Variants in SLC25A13 observed in about 807,000 individuals in gnomAD.
SLC25A13 encodes solute carrier family 25 member 13, also known as electrogenic aspartate/glutamate antiporter SLC25A13, mitochondrial.
A neutral mutation model predicts 85.5 loss-of-function variants in SLC25A13; 70 were observed. The observed-to-expected ratio is 0.82, with a 90% CI of 0.68 to 1.00. The LOEUF is 1.00. Ranked by LOEUF, SLC25A13 falls within the 50% of genes least tolerant of loss-of-function variation. The probability of loss-of-function intolerance (pLI) is 0.00; values close to 1 mark genes in which losing one functional copy is unlikely to be tolerated. For synonymous variants in SLC25A13, 259 were observed against 288.7 expected (o/e 0.90, Z 1.04); for missense variants, 765 against 819.8 (o/e 0.93, Z 0.82).
At chr7:96,227,634 G>A (rs550492373) in intron 4 of SLC25A13, among the ~76,000 whole-genome samples, 2 of 152,298 alleles carry the variant, frequency 1.3e-5, no homozygotes, top group African/African-American at 4.8e-5. Flanking sequence ...ATTTATGATA[G>A]TAGTACCACT....
intron 2 of SLC25A13, among the ~76,000 whole-genome samples, chr7:96,286,610 C>A (rs1798896524): frequency 6.6e-6 from 1 of 152,158 alleles, no homozygotes; most frequent in Non-Finnish European, 1.5e-5. Flanking sequence ...TAATCCTGTA[C>A]ACTACTTATC....
At chr7:96,260,804 C>T (rs1797826004) in intron 3 of SLC25A13, among the ~76,000 whole-genome samples, 1 of 152,094 alleles carries the variant, frequency 6.6e-6, no homozygotes, top group African/African-American at 2.4e-5. Context: ...GCAGCACAGT[C>T]CTAATTTCCC....
At position 96,197,730 on chromosome 7, in the gene SLC25A13, C is replaced by T. The variant is rs139344537; in HGVS notation, c.469-4547G>A. On this transcript the variant is annotated intron_variant, in intron 5 of 17. Coordinates refer to ENST00000265631, the MANE Select transcript of SLC25A13 (RefSeq NM_014251.3). ...AGCTTTTAGTATGCATGAAATATAG[C>T]ATATACAAAATAGTATTTATTTCTA... is the stretch of plus-strand genomic sequence containing the variant. Among the ~76,000 whole-genome samples the T allele has an allele frequency of 2.6e-4, 40 of 152,168 alleles. No homozygotes were observed. In the East Asian group the frequency reaches 7.3e-3, roughly 28 times the overall value.
chr7:96,250,121 A>T (rs1228642990), intron 3 of SLC25A13, among the ~76,000 whole-genome samples: 4 of 152,150 alleles, frequency 2.6e-5, no homozygotes, highest in Non-Finnish European at 5.9e-5. Flanking sequence ...CAGGAGGCGG[A>T]GGTTGCAGTG....
At chr7:96,164,296 C>A (rs1793646977) in intron 13 of SLC25A13, among the ~76,000 whole-genome samples, 1 of 152,172 alleles carries the variant, frequency 6.6e-6, no homozygotes, top group African/African-American at 2.4e-5. Flanking sequence ...GTTCCCCCAG[C>A]CATGGCTCCA....
At chr7:96,309,371 T>C (rs1799872177) in intron 1 of SLC25A13, among the ~76,000 whole-genome samples, 1 of 152,192 alleles carries the variant, frequency 6.6e-6, no homozygotes, top group Non-Finnish European at 1.5e-5. Context: ...GCACAACCCC[T>C]GCCAAGGTCT....
At chr7:96,173,732 A>G (rs1469030981) in intron 11 of SLC25A13, among the ~76,000 whole-genome samples, 2 of 152,158 alleles carry the variant, frequency 1.3e-5, no homozygotes, top group Non-Finnish European at 2.9e-5. Context: ...GCAGCCCTTC[A>G]CTAAGCAACT....
At chr7:96,189,192 T>G in intron 9 of SLC25A13, 102 bp downstream of exon 9, 1 of 963,092 alleles carries the variant, frequency 1.0e-6, no homozygotes. Context: ...AGAAAAATGG[T>G]TAAGTCAGAT....
chr7:96,189,163 G>T lies in SLC25A13; in HGVS notation c.933+131C>A, dbSNP rs6957286. 1 allele frequency: 772,261 copies of T among 775,662 alleles called. 384,526 individuals carry two copies. Among genetic ancestry groups the T allele is most frequent in the East Asian group, 1 (37,378 of 37,378 alleles). 48.0% of individuals were successfully genotyped at this position (775,662 alleles called of 1,614,324 possible). A position where few individuals can be genotyped will look rare whatever the true frequency, so the allele number is the denominator to read the frequency against. On this transcript the variant is annotated intron_variant, in intron 9 of 17. Transcript: ENST00000265631. ...CTCTTTACAGCCTTTAAAATTTATC[G>T]AGAGTTTTGGTGCAAAACAGAAAAA...
chr7:96,124,214 A>G (rs1791631870), intron 15 of SLC25A13, among the ~76,000 whole-genome samples: 2 of 152,230 alleles, frequency 1.3e-5, no homozygotes. Flanking sequence ...GGCACAAGTC[A>G]TCGTTAATTT....
Position 96,280,781 on chromosome 7 carries a change from A to G in SLC25A13, c.70-3443T>C, listed in dbSNP as rs138038814. Among the ~76,000 whole-genome samples, 425 of 152,254 alleles carry G rather than the reference A, an allele frequency of 2.8e-3. 4 individuals are homozygous for G. Among genetic ancestry groups the G allele is most frequent in the African/African-American group, 9.7e-3 (402 of 41,548 alleles). On this transcript the variant is annotated intron_variant, in intron 2 of 17. Coordinates refer to ENST00000265631, the MANE Select transcript of SLC25A13 (RefSeq NM_014251.3). ...ACCCCCAAGATAACGAAAAAGAATA[A>G]TAAGTGATGGCAAAAATGTGGAGCA...
Position 96,234,840 on chromosome 7 carries a change from T to A in SLC25A13, c.290A>T (p.Gln97Leu). The A allele has an allele frequency of 6.2e-7, 1 of 1,613,780 alleles. No homozygotes were observed. The highest frequency in any genetic ancestry group is 1.1e-5 in the South Asian group (1 of 91,062). ...APDALFMVAFQLFDKAGKGEV... is the reference protein window; with the variant it reads ...APDALFMVAFLLFDKAGKGEV... ...TCCTTTGCCAGCTTTGTCAAACAGCTGAAAGGCTACCATAAACAAAGCATC... is the reference window on the plus strand; with the variant it reads ...TCCTTTGCCAGCTTTGTCAAACAGCAGAAAGGCTACCATAAACAAAGCATC... Residue 97 changes from glutamine to leucine, a missense_variant, in exon 4 of 18, where the codon CAG becomes CTG. By Grantham distance (113) the Gln-to-Leu change is moderately radical. Transcript: ENST00000265631.
At chr7:96,229,821 C>A (rs1232552429) in intron 4 of SLC25A13, among the ~76,000 whole-genome samples, 1 of 152,140 alleles carries the variant, frequency 6.6e-6, no homozygotes, top group Non-Finnish European at 1.5e-5. Context: ...TAAGAAGGAA[C>A]AAACTCTGGA....
At chr7:96,185,194 A>G (rs1185480321) in intron 9 of SLC25A13, among the ~76,000 whole-genome samples, 183 bp from the exon 10 acceptor site, 2 of 152,278 alleles carry the variant, frequency 1.3e-5, no homozygotes, top group African/African-American at 2.4e-5. Context: ...AAAAGATTTT[A>G]GTGCTATTAA....
chr7:96,258,710 A>G (rs1797733726), intron 3 of SLC25A13, among the ~76,000 whole-genome samples: 1 of 152,188 alleles, frequency 6.6e-6, no homozygotes, highest in Non-Finnish European at 1.5e-5. Context: ...ATTAGAAAAA[A>G]CTACTTTAAA....
intron 3 of SLC25A13, among the ~76,000 whole-genome samples, chr7:96,250,904 C>A (rs1797399051): frequency 6.6e-6 from 1 of 152,076 alleles, no homozygotes; most frequent in Non-Finnish European, 1.5e-5. Context: ...ATTATGTGTT[C>A]AATCCATTCA....
chr7:96,261,809 T>C (rs920499595), intron 3 of SLC25A13, among the ~76,000 whole-genome samples: 1 of 152,150 alleles, frequency 6.6e-6, no homozygotes, highest in African/African-American at 2.4e-5. Flanking sequence ...AAGTCCAAGA[T>C]CAAGGCACTG....
Position 96,121,944 on chromosome 7 carries a change from G to C in SLC25A13, c.1645C>G (p.Gln549Glu). 1 of 1,614,160 alleles carries C rather than the reference G, an allele frequency of 6.2e-7. No homozygotes were observed. The highest frequency in any genetic ancestry group is 8.5e-7 in the Non-Finnish European group (1 of 1,180,028). The change falls in exon 16 of 18, where the codon CAG becomes GAG. Residue 549 changes from glutamine to glutamate, a missense_variant. Coordinates refer to ENST00000265631, the MANE Select transcript of SLC25A13 (RefSeq NM_014251.3). ...TPADVIKTRL[Q>E]VAARAGQTTY... ...GTTTGGCCAGCCCGGGCAGCCACCTGTAATCTCGTCTTGATAACATCAGCA... is the reference window on the plus strand; with the variant it reads ...GTTTGGCCAGCCCGGGCAGCCACCTCTAATCTCGTCTTGATAACATCAGCA...
intron 11 of SLC25A13, among the ~76,000 whole-genome samples, chr7:96,176,663 A>C (rs1020644239): frequency 6.6e-6 from 1 of 152,208 alleles, no homozygotes; most frequent in Non-Finnish European, 1.5e-5. Context: ...CTCCAACTCA[A>C]GCTTCACAGG....
Sources: gnomAD v4.1 joint callset for allele counts (sites outside exome capture counted in the v4.1 genomes callset) on GRCh38, gnomAD v4.1.1 for gene constraint, MANE v1.5 for transcripts, NCBI Gene and HGNC (gene_info 2026-07-23, HGNC 2026-07-21) for gene names.